Variants in TRIM67 observed in about 807,000 individuals in gnomAD.
TRIM67 encodes tripartite motif-containing protein 67.
A neutral mutation model predicts 71.0 loss-of-function variants in TRIM67; 39 were observed. The observed-to-expected ratio is 0.55, with a 90% CI of 0.43 to 0.72. The LOEUF (loss-of-function observed/expected upper bound fraction) is 0.72, where lower values mean the gene tolerates loss of function less well. TRIM67 is among the 30% of genes least tolerant of loss of function. The pLI, the probability that TRIM67 is intolerant of heterozygous loss-of-function variation, is 0.00. For synonymous variants in TRIM67, 481 were observed against 473.9 expected, an observed-to-expected ratio of 1.01 and a Z score of -0.19; for missense variants, 973 against 1,079.2, an observed-to-expected ratio of 0.90 and a Z score of 1.38.
In TRIM67 at chr1:231,203,925, G is replaced by T. The variant is rs371749809; in HGVS notation, c.1593G>T (p.Thr531=). The part of the protein sequence containing the change: ...EKCCTRNNSV[T]LAWRMPPFTH... Reference sequence around the variant, plus strand: ...GCTGCACCCGTAACAACAGCGTCACGCTGGCCTGGAGGATGCCACCCTTCA... The same window carrying T: ...GCTGCACCCGTAACAACAGCGTCACTCTGGCCTGGAGGATGCCACCCTTCA... The change falls in exon 6 of 10, where the codon ACG becomes ACT. Residue 531 remains threonine (T), a synonymous_variant. Coordinates refer to ENST00000366653, the MANE Select transcript of TRIM67 (RefSeq NM_001004342.5). 4 of 1,613,956 alleles carry T rather than the reference G, an allele frequency of 2.5e-6. No individual in the cohort carries two copies. The highest frequency in any genetic ancestry group is 3.3e-5 in the Admixed American group (2 of 60,018).
chr1:231,206,774 C>T lies in TRIM67; in HGVS notation c.1803C>T (p.Val601=), dbSNP rs1167865720. ...SGVGPYSKTV[V]LQTSDVAWFT... ...TCGGGCCTTACAGTAAAACTGTCGT[C>T]CTGCAGACATCCGATGGTGAGCATC... Residue 601 remains valine (V), a synonymous_variant, in exon 7 of 10, where the codon GTC becomes GTT. Transcript: ENST00000366653. 1.9e-6 allele frequency: 3 copies of T among 1,603,986 alleles called. No homozygotes were observed. The highest frequency in any genetic ancestry group is 1.7e-6 in the Non-Finnish European group (2 of 1,175,722).
intron 5 of TRIM67, among the ~76,000 whole-genome samples, chr1:231,201,846 G>T (rs1020874594): frequency 6.6e-6 from 1 of 152,220 alleles, no homozygotes; most frequent in African/African-American, 2.4e-5. Context: ...CTCAAGATGC[G>T]GTTGAACAAG....
At chr1:231,169,252 G>A (rs573048726) in intron 1 of TRIM67, among the ~76,000 whole-genome samples, 1 of 150,846 alleles carries the variant, frequency 6.6e-6, no homozygotes, top group Non-Finnish European at 1.5e-5. Flanking sequence ...ACAGGGTTTT[G>A]CCATGTTGGC....
Position 231,201,346 on chromosome 1 carries a change from C to T in TRIM67, c.1375-12C>T. 1 of 1,609,182 alleles carries T rather than the reference C, an allele frequency of 6.2e-7. No individual in the cohort carries two copies. Among genetic ancestry groups the T allele is most frequent in the African/African-American group, 1.3e-5 (1 of 74,916 alleles). ...GCAAAGCAAAACCTTAAACTCTTTGCTCCCCTTTAAGATCTCAGATGCTCT... is the reference window on the plus strand; with the variant it reads ...GCAAAGCAAAACCTTAAACTCTTTGTTCCCCTTTAAGATCTCAGATGCTCT... On this transcript the variant is annotated splice_polypyrimidine_tract_variant and intron_variant, in intron 4 of 9. Transcript: ENST00000366653.
At chr1:231,173,122 C>G (rs946267370) in intron 1 of TRIM67, among the ~76,000 whole-genome samples, 7 of 152,034 alleles carry the variant, frequency 4.6e-5, no homozygotes, top group Non-Finnish European at 7.4e-5. Context: ...CTGAGACCAC[C>G]GATGGAATTT....
chr1:231,203,662 T>C (rs1571897840), intron 5 of TRIM67, among the ~76,000 whole-genome samples: 2 of 152,122 alleles, frequency 1.3e-5, no homozygotes, highest in Admixed American at 6.5e-5. Flanking sequence ...GTTTGAGAAG[T>C]GCAGGTCACC....
chr1:231,197,225 A>T, intron 1 of TRIM67, 146 bp from the exon 2 acceptor site: 1 of 621,040 alleles, frequency 1.6e-6, no homozygotes, highest in Non-Finnish European at 2.9e-6. Context: ...ATCATGGGTC[A>T]GTGGTGGTCC....
At chr1:231,174,210 G>A (rs1682686728) in intron 1 of TRIM67, among the ~76,000 whole-genome samples, 2 of 143,894 alleles carry the variant, frequency 1.4e-5, no homozygotes, top group Admixed American at 1.4e-4. Context: ...CCAGGCTGTA[G>A]TGCAGTGGCA....
chr1:231,217,005 A>T lies in TRIM67; in HGVS notation c.*1565A>T, dbSNP rs1352948053. ...AATTTGCTGGACTGGATTTTTATAA[A>T]ATTCGCCCATTCACCAGCACCAACT... On this transcript the variant is annotated 3_prime_UTR_variant, in exon 10 of 10. Transcript: ENST00000366653. 1 of 985,810 alleles carries T rather than the reference A, an allele frequency of 1.0e-6. No individual in the cohort carries two copies. The highest frequency in any genetic ancestry group is 1.1e-4 in the East Asian group (1 of 8,810). The allele number at this position is 985,810 out of a possible 1,614,324, so 61.1% of individuals were successfully genotyped here.
intron 1 of TRIM67, among the ~76,000 whole-genome samples, chr1:231,174,526 T>TG (rs1682695817): frequency 1.3e-5 from 2 of 152,168 alleles, no homozygotes; most frequent in Non-Finnish European, 2.9e-5. Flanking sequence ...GTGTTACAGT[T>TG]GGGGTAACTT....
Position 231,215,582 on chromosome 1 carries a change from C to T in TRIM67, c.*142C>T, listed in dbSNP as rs1683994598. 2 of 1,414,676 alleles carry T rather than the reference C, an allele frequency of 1.4e-6. No homozygotes were observed. The highest frequency in any genetic ancestry group is 1.9e-6 in the Non-Finnish European group (2 of 1,080,270). The allele number at this position is 1,414,676 out of a possible 1,614,324, so 87.6% of individuals were successfully genotyped here. On this transcript the variant is annotated 3_prime_UTR_variant, in exon 10 of 10. Coordinates refer to ENST00000366653, the MANE Select transcript of TRIM67 (RefSeq NM_001004342.5). The stretch of plus-strand genomic sequence containing the variant: ...CTGGCAGCGTGGAGTGTCATAGAAA[C>T]ACATTTTCTTGGGGACGCAGGGAAT...
At position 231,215,591 on chromosome 1, in the gene TRIM67, T is replaced by C. The variant is rs891936120; in HGVS notation, c.*151T>C. On this transcript the variant is annotated 3_prime_UTR_variant, in exon 10 of 10. Transcript: ENST00000366653. The stretch of plus-strand genomic sequence containing the variant: ...TGGAGTGTCATAGAAACACATTTTC[T>C]TGGGGACGCAGGGAATGGGTCCACG... The C allele has an allele frequency of 5.0e-6, 7 of 1,411,902 alleles. No individual in the cohort carries two copies. The highest frequency in any genetic ancestry group is 4.6e-6 in the Non-Finnish European group (5 of 1,079,302). The allele number at this position is 1,411,902 out of a possible 1,614,324, so 87.5% of individuals were successfully genotyped here. A position where few individuals can be genotyped will look rare whatever the true frequency, so the allele number is the denominator to read the frequency against.
At chr1:231,185,018 C>G (rs1482919498) in intron 1 of TRIM67, 1 of 1,532,996 alleles carries the variant, frequency 6.5e-7, no homozygotes. Flanking sequence ...GGAGGGTCAG[C>G]TTATTCTGCT....
Position 231,215,581 on chromosome 1 carries a change from A to C in TRIM67, c.*141A>C. 1 of 1,410,330 alleles carries C rather than the reference A, an allele frequency of 7.1e-7. No homozygotes were observed. The highest frequency in any genetic ancestry group is 9.3e-7 in the Non-Finnish European group (1 of 1,077,838). The allele number at this position is 1,410,330 out of a possible 1,614,324, so 87.4% of individuals were successfully genotyped here. ...CCTGGCAGCGTGGAGTGTCATAGAA[A>C]CACATTTTCTTGGGGACGCAGGGAA... On this transcript the variant is annotated 3_prime_UTR_variant, in exon 10 of 10. Coordinates refer to ENST00000366653, the MANE Select transcript of TRIM67 (RefSeq NM_001004342.5).
In TRIM67 at chr1:231,215,776, G is replaced by T; in HGVS notation, c.*336G>T. The T allele has an allele frequency of 9.1e-7, 1 of 1,093,216 alleles. No individual in the cohort carries two copies. Among genetic ancestry groups the T allele is most frequent in the Non-Finnish European group, 1.1e-6 (1 of 899,882 alleles). 67.7% of individuals were successfully genotyped at this position (1,093,216 alleles called of 1,614,324 possible). ...TTCCTGCCATCTGTTTTCAAAGCTT[G>T]TCTTTTTTTGGAGGGAGAGGAAGGT... On this transcript the variant is annotated 3_prime_UTR_variant, in exon 10 of 10. Coordinates refer to ENST00000366653, the MANE Select transcript of TRIM67 (RefSeq NM_001004342.5).
rs1019723882 is a variant in TRIM67, at chr1:231,162,570, G to A, written c.-400G>A. The A allele has an allele frequency of 3.3e-5, 7 of 210,690 alleles. No homozygotes were observed. The Admixed American group carries it at 3.4e-4, about 10-fold the overall frequency. 13.1% of individuals were successfully genotyped at this position (210,690 alleles called of 1,614,324 possible). A position where few individuals can be genotyped will look rare whatever the true frequency, so the allele number is the denominator to read the frequency against. On this transcript the variant is annotated 5_prime_UTR_variant, in exon 1 of 10. Transcript: ENST00000366653. ...CCCACCGGAGCCAGGGGCTGAAGCAGCGAGCGCACAGCAGCCCGGCCGCTG... is the reference window on the plus strand; with the variant it reads ...CCCACCGGAGCCAGGGGCTGAAGCAACGAGCGCACAGCAGCCCGGCCGCTG...
chr1:231,183,991 A>G (rs1458979198), intron 1 of TRIM67: 2 of 152,162 alleles, frequency 1.3e-5, no homozygotes, highest in Non-Finnish European at 2.9e-5. Flanking sequence ...TATGGAACAA[A>G]CACCCATCTC....
Position 231,220,111 on chromosome 1 carries a change from G to A in TRIM67, c.*4671G>A. On this transcript the variant is annotated 3_prime_UTR_variant, in exon 10 of 10. Transcript: ENST00000366653. ...AACATTTTTAAAGAAAAAAAGTGCA[G>A]TCTTTCATCTCTGGCATCTAAGCTA... The A allele has an allele frequency of 1.9e-6, 1 of 513,290 alleles. No individual in the cohort carries two copies. The allele number at this position is 513,290 out of a possible 1,614,324, so 31.8% of individuals were successfully genotyped here.
At chr1:231,210,168 C>G (rs976517398) in intron 8 of TRIM67, among the ~76,000 whole-genome samples, 5 of 152,286 alleles carry the variant, frequency 3.3e-5, no homozygotes, top group African/African-American at 9.6e-5. Flanking sequence ...TGCTATGGAG[C>G]CTTGCTCCTG....
Sources: gnomAD v4.1 joint callset for allele counts (sites outside exome capture counted in the v4.1 genomes callset) on GRCh38, gnomAD v4.1.1 for gene constraint, MANE v1.5 for transcripts, NCBI Gene and HGNC (gene_info 2026-07-23, HGNC 2026-07-21) for gene names.